Variants in DENND1A observed in about 807,000 individuals in gnomAD.
DENND1A encodes the protein DENN domain containing 1A, also known as DENN domain-containing protein 1A.
DENND1A carries 51 observed loss-of-function variants against 113.7 expected under a neutral mutation model. The observed-to-expected ratio is 0.45, with a 90% CI of 0.36 to 0.57. DENND1A has a LOEUF of 0.57. Ranked by LOEUF, DENND1A falls within the 20% of genes least tolerant of loss-of-function variation. DENND1A has a pLI of 0.00. For synonymous variants in DENND1A, 565 were observed against 570.8 expected (o/e 0.99, Z 0.14); for missense variants, 1,258 against 1,395.9 (o/e 0.90, Z 1.57).
chr9:123,589,664 A>C (rs555778365), intron 11 of DENND1A, among the ~76,000 whole-genome samples: 12 of 151,646 alleles, frequency 7.9e-5, no homozygotes, highest in Admixed American at 2.6e-4. Context: ...AAAAAAAAAA[A>C]AAAAAAAAAC....
At chr9:123,558,287 C>CA (rs1294163990) in intron 12 of DENND1A, among the ~76,000 whole-genome samples, 1 of 152,174 alleles carries the variant, frequency 6.6e-6, no homozygotes, top group Non-Finnish European at 1.5e-5. Flanking sequence ...GGCCCAAACT[C>CA]AGACTTTCAG....
intron 4 of DENND1A, among the ~76,000 whole-genome samples, chr9:123,767,485 C>A (rs1829008973): frequency 6.6e-6 from 1 of 151,772 alleles, no homozygotes; most frequent in Non-Finnish European, 1.5e-5. Context: ...ATATTTCTAA[C>A]AACAACAAAA....
chr9:123,546,327 T>C (rs1257748321), intron 13 of DENND1A, among the ~76,000 whole-genome samples: 1 of 151,988 alleles, frequency 6.6e-6, no homozygotes. Context: ...GGTGGGCAGA[T>C]CACCAGGTCA....
At chr9:123,445,257 G>A (rs2047215255) in intron 18 of DENND1A, among the ~76,000 whole-genome samples, 1 of 152,138 alleles carries the variant, frequency 6.6e-6, no homozygotes, top group African/African-American at 2.4e-5. Flanking sequence ...GGTTGGGGTG[G>A]GAGCTGAGGA....
Position 123,414,045 on chromosome 9 carries a change from C to G in DENND1A, c.1489-2216G>C, listed in dbSNP as rs537126067. 4 of 993,132 alleles carry G rather than the reference C, an allele frequency of 4.0e-6. No individual in the cohort carries two copies. The African/African-American group carries it at 7.0e-5, about 17-fold the overall frequency. 61.5% of individuals were successfully genotyped at this position (993,132 alleles called of 1,614,324 possible). The stretch of plus-strand genomic sequence containing the variant: ...TGTCTTCACTGCTTGTCACCTCTGG[C>G]TTGGGCTATTTCCATTCCTGCTGGG... On this transcript the variant is annotated intron_variant, in intron 19 of 23. Transcript: ENST00000394215.
intron 4 of DENND1A, among the ~76,000 whole-genome samples, chr9:123,762,765 T>G (rs1048581062): frequency 6.6e-6 from 1 of 151,776 alleles, no homozygotes; most frequent in African/African-American, 2.4e-5. Context: ...TAGAGGAAAA[T>G]GGAAGGGAAG....
At chr9:123,544,301 TAA>T (rs1251992630) in intron 13 of DENND1A, among the ~76,000 whole-genome samples, 2 of 152,216 alleles carry the variant, frequency 1.3e-5, no homozygotes, top group African/African-American at 4.8e-5. Flanking sequence ...ATTAGCCAAT[TAA>T]AATTATCTAT....
intron 13 of DENND1A, among the ~76,000 whole-genome samples, chr9:123,537,974 C>T (rs1164109530): frequency 6.6e-6 from 1 of 152,218 alleles, no homozygotes; most frequent in Non-Finnish European, 1.5e-5. Context: ...CTGGCAGTAA[C>T]AGACAGAGTC....
At chr9:123,563,112 T>C (rs747486435) in intron 12 of DENND1A, among the ~76,000 whole-genome samples, 5 of 152,166 alleles carry the variant, frequency 3.3e-5, no homozygotes, top group African/African-American at 7.2e-5. Flanking sequence ...TATTCATTCC[T>C]CTTCTGTAGA....
At chr9:123,824,416 T>G (rs998451566) in intron 2 of DENND1A, among the ~76,000 whole-genome samples, 1 of 152,170 alleles carries the variant, frequency 6.6e-6, no homozygotes, top group Non-Finnish European at 1.5e-5. Context: ...ACATAATATC[T>G]CAGTAGTTGT....
intron 11 of DENND1A, among the ~76,000 whole-genome samples, chr9:123,584,078 T>G (rs1028289513): frequency 6.6e-6 from 1 of 152,220 alleles, no homozygotes; most frequent in African/African-American, 2.4e-5. Flanking sequence ...CTAAGATCCA[T>G]CTTTGTGTTT....
In DENND1A at chr9:123,382,074, G is replaced by A; in HGVS notation, c.2571C>T (p.Ser857=). The change falls in exon 24 of 24, where the codon AGC becomes AGT. Residue 857 remains serine, a synonymous_variant. Coordinates refer to ENST00000394215, the MANE Select transcript of DENND1A (RefSeq NM_001352964.2). Reference sequence around the variant, plus strand: ...GGGTGGCGGGGCGTGACGGGAGGGTGCTGCCTGACCAGGCTGTGCTGAGCG... The same window carrying A: ...GGGTGGCGGGGCGTGACGGGAGGGTACTGCCTGACCAGGCTGTGCTGAGCG... ...LDPLSTAWSG[S]TLPSRPATPN... The A allele has an allele frequency of 6.6e-7, 1 of 1,518,028 alleles. No individual in the cohort carries two copies. The highest frequency in any genetic ancestry group is 8.8e-7 in the Non-Finnish European group (1 of 1,134,892). 94.0% of individuals were successfully genotyped at this position (1,518,028 alleles called of 1,614,324 possible). A position where few individuals can be genotyped will look rare whatever the true frequency, so the allele number is the denominator to read the frequency against.
chr9:123,646,702 C>G (rs1204863106), intron 9 of DENND1A, among the ~76,000 whole-genome samples: 1 of 152,040 alleles, frequency 6.6e-6, no homozygotes, highest in African/African-American at 2.4e-5. Context: ...TCTGACTTAT[C>G]GAGGACCTAT....
chr9:123,548,762 A>G (rs1400402309), intron 13 of DENND1A, among the ~76,000 whole-genome samples: 1 of 152,272 alleles, frequency 6.6e-6, no homozygotes, highest in Non-Finnish European at 1.5e-5. Context: ...GATGCATGCT[A>G]TAACACGGAT....
At chr9:123,449,312 G>A (rs755828359) in intron 18 of DENND1A, among the ~76,000 whole-genome samples, 9 of 152,124 alleles carry the variant, frequency 5.9e-5, no homozygotes, top group African/African-American at 1.7e-4. Context: ...CAAGGCAGGC[G>A]GATCACGAGG....
At chr9:123,529,047 A>G (rs2055077650) in intron 13 of DENND1A, among the ~76,000 whole-genome samples, 1 of 152,100 alleles carries the variant, frequency 6.6e-6, no homozygotes. Flanking sequence ...TCTTCATCAT[A>G]TTGCATTGCA....
intron 21 of DENND1A, among the ~76,000 whole-genome samples, chr9:123,402,861 C>A (rs909123094): frequency 6.6e-6 from 1 of 152,234 alleles, no homozygotes; most frequent in Non-Finnish European, 1.5e-5. Flanking sequence ...CTAGGCCAGT[C>A]CTACGGGAGG....
In DENND1A at chr9:123,495,923, C is replaced by T. The variant is rs115116059; in HGVS notation, c.994-38026G>A. On this transcript the variant is annotated intron_variant, in intron 13 of 23. Coordinates refer to ENST00000394215, the MANE Select transcript of DENND1A (RefSeq NM_001352964.2). ...GACCCGACAGCAGCTTAATGTTGTC[C>T]GCTCAAATCATATTAATGAAATGCA... 5.0e-3 allele frequency among the ~76,000 whole-genome samples: 758 copies of T among 152,270 alleles called. 6 individuals are homozygous for T. Among genetic ancestry groups the T allele is most frequent in the African/African-American group, 0.018 (727 of 41,530 alleles).
intron 7 of DENND1A, among the ~76,000 whole-genome samples, chr9:123,669,374 AAAACC>A (rs1209935663): frequency 6.6e-6 from 1 of 152,246 alleles, no homozygotes; most frequent in African/African-American, 2.4e-5. Flanking sequence ...ACACAATTCC[AAAACC>A]AAGTAGTCCC....
Sources: allele counts gnomAD v4.1 joint callset (sites outside exome capture counted in the v4.1 genomes callset), GRCh38; gene constraint gnomAD v4.1.1; transcripts MANE v1.5; gene names NCBI Gene and HGNC (gene_info 2026-07-23, HGNC 2026-07-21).